OTUD7B: variants seen among roughly 807,000 people sequenced by gnomAD.
The protein encoded by OTUD7B is OTU domain-containing protein 7B.
In OTUD7B, 34 loss-of-function variants were observed where a neutral mutation model predicts 82.2. The ratio of observed to expected loss-of-function variants is 0.41; its 90% CI spans 0.31 to 0.55. The LOEUF is 0.55. OTUD7B is among the 20% of genes least tolerant of loss of function. The pLI is 0.20. For missense variants in OTUD7B, 944 were observed against 1,062.1 expected (o/e 0.89, Z 1.55); for synonymous variants, 398 against 402.7 (o/e 0.99, Z 0.14).
At chr1:150,044,556 G>A in the OTUD7B span, among the ~76,000 whole-genome samples, 21 of 151,694 alleles carry the variant, frequency 1.4e-4, no homozygotes, top group Non-Finnish European at 2.8e-4. Context: ...TGTAGTCCCA[G>A]CTACTTGGGA....
rs373208390 is a variant in OTUD7B, at chr1:149,945,563, C to T, written c.1324-498G>A. ...CTAACCAAGTCTAGCCACTTTGCAT[C>T]CCCTCAACTTTTATACATTCTGCAT... On this transcript the variant is annotated intron_variant, in intron 11 of 11. Transcript: ENST00000581312. Among the ~76,000 whole-genome samples, 104 of 152,208 alleles carry T rather than the reference C, an allele frequency of 6.8e-4. 2 individuals are homozygous for T. The highest frequency in any genetic ancestry group is 2.5e-3 in the African/African-American group (103 of 41,530).
upstream of OTUD7B, among the ~76,000 whole-genome samples, chr1:150,012,575 A>G (rs184451027): frequency 5.9e-5 from 9 of 152,270 alleles, no homozygotes; most frequent in East Asian, 1.7e-3. Context: ...ACTGCCACAG[A>G]CTTAATAGAA....
intron 7 of OTUD7B, among the ~76,000 whole-genome samples, chr1:149,958,271 A>G (rs1484168894): frequency 3.4e-5 from 5 of 147,944 alleles, no homozygotes; most frequent in Non-Finnish European, 7.4e-5. Flanking sequence ...ATATAATTTC[A>G]TCCATTTTTA....
chr1:149,943,452 G>T lies in OTUD7B; in HGVS notation c.*405C>A, dbSNP rs1553770923. 1 of 176,194 alleles carries T rather than the reference G, an allele frequency of 5.7e-6. No individual in the cohort carries two copies. The highest frequency in any genetic ancestry group is 1.2e-5 in the Non-Finnish European group (1 of 83,734). 10.9% of individuals were successfully genotyped at this position (176,194 alleles called of 1,614,324 possible). On this transcript the variant is annotated 3_prime_UTR_variant, in exon 12 of 12. Transcript: ENST00000581312. ...ACCATGTGCTTTTTCCCAACCTAAA[G>T]AACTTTGGTTTTATTGACTGAGAAC...
chr1:149,955,638 G>A (rs1648612101), intron 7 of OTUD7B, among the ~76,000 whole-genome samples: 1 of 151,928 alleles, frequency 6.6e-6, no homozygotes, highest in Admixed American at 6.6e-5. Context: ...TGTTGACAGT[G>A]GGGTGTTAAA....
chr1:149,947,269 T>C lies in OTUD7B; in HGVS notation c.1305A>G (p.Pro435=), dbSNP rs1415763539. ...TCTTCACCTGTGCATCAGAGGACAG[T>C]GGGATCCACTTCACATTCATGTAGC... The part of the protein sequence containing the change: ...LHSYMNVKWI[P]LSSDAQAPLA... The change falls in exon 11 of 12, where the codon CCA becomes CCG. Residue 435 remains proline (P), a synonymous_variant. Transcript: ENST00000581312. 6.2e-5 allele frequency: 100 copies of C among 1,603,346 alleles called. No homozygotes were observed. In the Admixed American group the frequency reaches 1.6e-3, roughly 25 times the overall value.
At chr1:149,950,558 C>A (rs16838646) in intron 7 of OTUD7B, among the ~76,000 whole-genome samples, 2,715 of 152,262 alleles carry the variant, frequency 0.018, 67 homozygotes, top group African/African-American at 0.059. Context: ...TACACAACTG[C>A]ATAGCTTCAT....
At chr1:150,024,076 T>C in the OTUD7B span, among the ~76,000 whole-genome samples, 1 of 152,218 alleles carries the variant, frequency 6.6e-6, no homozygotes, top group East Asian at 1.9e-4. Flanking sequence ...CAATTATTTC[T>C]CAATAGAGTG....
chr1:150,004,610 T>TA (rs2101939014), intron 1 of OTUD7B, among the ~76,000 whole-genome samples: 1 of 149,910 alleles, frequency 6.7e-6, no homozygotes, highest in East Asian at 1.9e-4. Context: ...TAAATAAATT[T>TA]TATATATATA....
At chr1:150,033,958 G>C in the OTUD7B span, among the ~76,000 whole-genome samples, 1 of 152,104 alleles carries the variant, frequency 6.6e-6, no homozygotes, top group African/African-American at 2.4e-5. Context: ...TTGACCTTAT[G>C]ATCCGCCCAC....
At chr1:150,036,411 C>T in the OTUD7B span, among the ~76,000 whole-genome samples, 1 of 152,008 alleles carries the variant, frequency 6.6e-6, no homozygotes, top group Non-Finnish European at 1.5e-5. Flanking sequence ...AGGCATGTGC[C>T]ACCACACTCA....
the OTUD7B span, among the ~76,000 whole-genome samples, chr1:150,027,744 T>G: frequency 6.6e-6 from 1 of 152,148 alleles, no homozygotes; most frequent in East Asian, 1.9e-4. Flanking sequence ...AAAAAGTGTA[T>G]TTTCTTAAAA....
intron 2 of OTUD7B, among the ~76,000 whole-genome samples, chr1:149,972,748 T>C (rs1650022259): frequency 6.6e-6 from 1 of 152,226 alleles, no homozygotes; most frequent in African/African-American, 2.4e-5. Flanking sequence ...ATTTGTTGAA[T>C]TAATGGATAA....
chr1:149,988,219 C>A (rs1651290844), intron 1 of OTUD7B, among the ~76,000 whole-genome samples: 1 of 152,062 alleles, frequency 6.6e-6, no homozygotes, highest in African/African-American at 2.4e-5. Flanking sequence ...AAAATCTCAA[C>A]TCAATCATAT....
the OTUD7B span, among the ~76,000 whole-genome samples, chr1:150,039,413 T>C: frequency 6.6e-6 from 1 of 152,284 alleles, no homozygotes; most frequent in South Asian, 2.1e-4. Flanking sequence ...ATTCTCGCTC[T>C]GTCACCCAGG....
the OTUD7B span, among the ~76,000 whole-genome samples, chr1:150,017,988 T>G: frequency 6.6e-6 from 1 of 152,186 alleles, no homozygotes; most frequent in African/African-American, 2.4e-5. Flanking sequence ...TGATCAGCAC[T>G]GTGGCTGTTC....
intron 1 of OTUD7B, among the ~76,000 whole-genome samples, chr1:149,990,175 A>T (rs1651462748): frequency 1.3e-5 from 2 of 152,262 alleles, no homozygotes; most frequent in Non-Finnish European, 2.9e-5. Flanking sequence ...TGGGATAGGA[A>T]GAGATATAGA....
chr1:149,941,755 A>C lies in OTUD7B; in HGVS notation c.*2102T>G, dbSNP rs1647272688. On this transcript the variant is annotated 3_prime_UTR_variant, in exon 12 of 12. Coordinates refer to ENST00000581312, the MANE Select transcript of OTUD7B (RefSeq NM_020205.4). ...AGATTTCGCTATTTTATCCAACATA[A>C]ATTTTTTGCATTAATTTTTTTAAAT... 2 of 152,074 alleles carry C rather than the reference A, an allele frequency of 1.3e-5. No homozygotes were observed. Among genetic ancestry groups the C allele is most frequent in the Non-Finnish European group, 2.9e-5 (2 of 68,014 alleles). The allele number at this position is 152,074 out of a possible 1,614,324, so 9.4% of individuals were successfully genotyped here. A position where few individuals can be genotyped will look rare whatever the true frequency, so the allele number is the denominator to read the frequency against.
At chr1:149,994,785 C>G (rs1571716132) in intron 1 of OTUD7B, among the ~76,000 whole-genome samples, 1 of 152,032 alleles carries the variant, frequency 6.6e-6, no homozygotes, top group African/African-American at 2.4e-5. Context: ...TAATCAAACC[C>G]AATTTAACTG....
Sources: allele counts gnomAD v4.1 joint callset (sites outside exome capture counted in the v4.1 genomes callset), GRCh38; gene constraint gnomAD v4.1.1; transcripts MANE v1.5; gene names NCBI Gene and HGNC (gene_info 2026-07-23, HGNC 2026-07-21).